The following ULK4 variants were observed in gnomAD, a reference collection of about 807,000 sequenced individuals.
The protein encoded by ULK4 is inactive serine/threonine-protein kinase ULK4.
A neutral mutation model predicts 160.6 loss-of-function variants in ULK4; 133 were observed. The observed-to-expected ratio is 0.83, with a 90% CI of 0.72 to 0.96. ULK4 has a LOEUF of 0.96. Ranked by LOEUF, ULK4 falls within the 40% of genes least tolerant of loss-of-function variation. ULK4 has a pLI of 0.00. For synonymous variants in ULK4, 534 were observed against 539.8 expected (o/e 0.99, Z 0.15); for missense variants, 1,580 against 1,499.5 (o/e 1.05, Z -0.89).
chr3:41,363,167 C>A (rs552626690), intron 35 of ULK4, among the ~76,000 whole-genome samples: 3 of 152,208 alleles, frequency 2.0e-5, no homozygotes, highest in African/African-American at 7.2e-5. Context: ...CCTAACAAGG[C>A]ATAAGGAGCT....
At chr3:41,775,242 A>G (rs1485269007) in intron 21 of ULK4, among the ~76,000 whole-genome samples, 1 of 150,606 alleles carries the variant, frequency 6.6e-6, no homozygotes, top group Non-Finnish European at 1.5e-5. Context: ...AAAATAAAAG[A>G]AATATAAAGA....
At position 41,298,697 on chromosome 3, in the gene ULK4, C is replaced by T. The variant is rs555293202; in HGVS notation, c.3679-49123G>A. On this transcript the variant is annotated intron_variant, in intron 35 of 36. Coordinates refer to ENST00000301831, the MANE Select transcript of ULK4 (RefSeq NM_017886.4). ...GAACTTTCATGCATATTTAGGGGAT[C>T]CTCAAGTCATAGAGAGTCAAACAGA... Among the ~76,000 whole-genome samples, 6 of 152,228 alleles carry T rather than the reference C, an allele frequency of 3.9e-5. No individual in the cohort carries two copies. The South Asian group carries it at 1.2e-3, about 32-fold the overall frequency.
rs374410332 is a variant in ULK4 at position 41,463,100 on chromosome 3, C to A, written c.3380G>T (p.Arg1127Leu). ...CAGATCCTCTACCTGCAAAGCCAGC[C>A]GTACAATACCGGAGGTATAGGTCAG... is the stretch of plus-strand genomic sequence containing the variant. The part of the protein sequence containing the change: ...SMLTYTSGIV[R>L]LALQAQKSGS... The change falls in exon 33 of 37, where the codon CGG becomes CTG. Residue 1127 changes from arginine (R) to leucine (L), a missense_variant. By Grantham distance (102) the Arg-to-Leu change is moderately radical (BLOSUM62 -2). Transcript: ENST00000301831. 2 of 1,613,170 alleles carry A rather than the reference C, an allele frequency of 1.2e-6. No individual in the cohort carries two copies. Among genetic ancestry groups the A allele is most frequent in the Non-Finnish European group, 1.7e-6 (2 of 1,179,406 alleles).
intron 32 of ULK4, among the ~76,000 whole-genome samples, chr3:41,540,741 A>G (rs2086666968): frequency 1.3e-5 from 2 of 152,122 alleles, no homozygotes; most frequent in Non-Finnish European, 2.9e-5. Context: ...TAACTGGTGT[A>G]AGATGGTATC....
intron 21 of ULK4, among the ~76,000 whole-genome samples, chr3:41,780,546 G>C (rs988359524): frequency 6.6e-6 from 1 of 152,070 alleles, no homozygotes; most frequent in African/African-American, 2.4e-5. Flanking sequence ...GGCTACAATT[G>C]ATGCTCTTCT....
chr3:41,417,101 C>T (rs2082544752), intron 34 of ULK4, among the ~76,000 whole-genome samples: 1 of 152,202 alleles, frequency 6.6e-6, no homozygotes, highest in Admixed American at 6.5e-5. Context: ...AGCCCACTCT[C>T]TTCTGCCTCT....
chr3:41,827,393 A>G (rs2041400026), intron 18 of ULK4, among the ~76,000 whole-genome samples: 1 of 152,128 alleles, frequency 6.6e-6, no homozygotes, highest in Non-Finnish European at 1.5e-5. Context: ...GAAAAGATCA[A>G]CAAAATTGAT....
intron 35 of ULK4, among the ~76,000 whole-genome samples, chr3:41,301,058 A>G (rs2079785888): frequency 1.3e-5 from 2 of 151,212 alleles, no homozygotes; most frequent in Non-Finnish European, 2.9e-5. Context: ...ATGGAGCAGG[A>G]CTAGGCTCAG....
chr3:41,600,414 A>C (rs1319663069), intron 31 of ULK4, among the ~76,000 whole-genome samples: 2 of 152,238 alleles, frequency 1.3e-5, no homozygotes, highest in African/African-American at 4.8e-5. Context: ...CCTGTGGCAA[A>C]GAAATCTGAC....
At chr3:41,306,171 C>T (rs1269115939) in intron 35 of ULK4, among the ~76,000 whole-genome samples, 3 of 92,418 alleles carry the variant, frequency 3.2e-5, no homozygotes, top group Admixed American at 1.0e-4. Context: ...CCGCCCCATC[C>T]GGGAGGGAGG....
chr3:41,383,637 T>C (rs1170340740), intron 35 of ULK4, among the ~76,000 whole-genome samples: 6 of 152,164 alleles, frequency 3.9e-5, no homozygotes, highest in Non-Finnish European at 7.4e-5. Flanking sequence ...AGATAATAAT[T>C]CCCTTTAAAT....
Position 41,463,223 on chromosome 3 carries a change from G to C in ULK4, c.3257C>G (p.Thr1086Ser), listed in dbSNP as rs754945560. The change falls in exon 33 of 37, where the codon ACT becomes AGT. Residue 1086 changes from threonine (T) to serine (S), a missense_variant. Physicochemically the swap from Thr to Ser is moderately conservative, Grantham distance 58. Transcript: ENST00000301831. ...ATCCAAGCACAGTGTGGCAGTTTCAGTGAGCAGGTTACAGATGTGACTGAC... is the reference window on the plus strand; with the variant it reads ...ATCCAAGCACAGTGTGGCAGTTTCACTGAGCAGGTTACAGATGTGACTGAC... Reference protein sequence around the residue: ...GLVSHICNLLTETATLCLDVD... With the variant: ...GLVSHICNLLSETATLCLDVD... 3 of 1,613,504 alleles carry C rather than the reference G, an allele frequency of 1.9e-6. No homozygotes were observed. The East Asian group carries it at 6.7e-5, about 36-fold the overall frequency.
intron 31 of ULK4, among the ~76,000 whole-genome samples, chr3:41,569,908 C>T (rs1016375815): frequency 2.0e-5 from 3 of 152,124 alleles, no homozygotes; most frequent in African/African-American, 7.2e-5. Flanking sequence ...ATGAAAATGA[C>T]ACTTGCTTTG....
intron 22 of ULK4, among the ~76,000 whole-genome samples, chr3:41,749,617 G>A (rs1034593296): frequency 6.6e-6 from 1 of 152,160 alleles, no homozygotes; most frequent in Non-Finnish European, 1.5e-5. Context: ...ATGCATTTTT[G>A]ACATGATATT....
At chr3:41,867,660 A>T (rs1166530215) in intron 17 of ULK4, among the ~76,000 whole-genome samples, 1 of 152,224 alleles carries the variant, frequency 6.6e-6, no homozygotes, top group Non-Finnish European at 1.5e-5. Context: ...TACAGGCATG[A>T]GTCACCACGC....
In ULK4 at chr3:41,266,297, G is replaced by A. The variant is rs539550383; in HGVS notation, c.3679-16723C>T. On this transcript the variant is annotated intron_variant, in intron 35 of 36. Transcript: ENST00000301831. ...GCAATCACTCCTTCTGGGCAACCCT[G>A]GGCACTTGAACAGGACAGCAGAGCT... Among the ~76,000 whole-genome samples the A allele has an allele frequency of 7.9e-5, 12 of 152,288 alleles. No individual in the cohort carries two copies. The South Asian group carries it at 2.5e-3, about 32-fold the overall frequency.
intron 31 of ULK4, among the ~76,000 whole-genome samples, chr3:41,567,516 C>T (rs989292474): frequency 5.6e-5 from 8 of 142,424 alleles, no homozygotes; most frequent in East Asian, 2.1e-4. Flanking sequence ...GGTGCGATCT[C>T]GGCTCACTGA....
At position 41,717,848 on chromosome 3, in the gene ULK4, T is replaced by C. The variant is rs764957840; in HGVS notation, c.2335A>G (p.Ile779Val). 1.1e-5 allele frequency: 18 copies of C among 1,613,982 alleles called. No homozygotes were observed. The highest frequency in any genetic ancestry group is 1.6e-4 in the Middle Eastern group (1 of 6,074). ...GTGGTCTTTCTGCTGTCTCTCTCGATGTACATCACCAGTCTACATACAGGA... is the reference window on the plus strand; with the variant it reads ...GTGGTCTTTCTGCTGTCTCTCTCGACGTACATCACCAGTCTACATACAGGA... Reference protein sequence around the residue: ...LSCQARLVMYIERDSRKTTPG... With the variant: ...LSCQARLVMYVERDSRKTTPG... The change falls in exon 23 of 37, where the codon ATC (isoleucine) becomes GTC (valine). Residue 779 changes from isoleucine to valine, a missense_variant. Ile to Val is a conservative substitution (Grantham distance 29). Transcript: ENST00000301831.
Position 41,306,228 on chromosome 3 carries a change from C to T in ULK4, c.3679-56654G>A, listed in dbSNP as rs1477332757. ...CCGCCCGGGAGGGAGGTGGGGGCGT[C>T]AGCCCCCCGCCCGGCCAGCCGCCCC... On this transcript the variant is annotated intron_variant, in intron 35 of 36. Coordinates refer to ENST00000301831, the MANE Select transcript of ULK4 (RefSeq NM_017886.4). Among the ~76,000 whole-genome samples, 4 of 85,142 alleles carry T rather than the reference C, an allele frequency of 4.7e-5. 1 individual carries two copies. Among genetic ancestry groups the T allele is most frequent in the African/African-American group, 1.6e-4 (2 of 12,656 alleles). The allele number at this position is 85,142 out of a possible 152,430, so 55.9% of individuals were successfully genotyped here. A position where few individuals can be genotyped will look rare whatever the true frequency, so the allele number is the denominator to read the frequency against.
Sources: gnomAD v4.1 joint callset for allele counts (sites outside exome capture counted in the v4.1 genomes callset) on GRCh38, gnomAD v4.1.1 for gene constraint, MANE v1.5 for transcripts, NCBI Gene and HGNC (gene_info 2026-07-23, HGNC 2026-07-21) for gene names.